The following MCCC1 variants were observed in gnomAD, a reference collection of about 807,000 sequenced individuals.
MCCC1 encodes methylcrotonoyl-CoA carboxylase subunit alpha, mitochondrial.
Under a neutral mutation model 83.8 loss-of-function variants are expected in MCCC1, and 64 were observed. That is an observed-to-expected ratio of 0.76 (90% CI 0.62 to 0.94). The LOEUF (loss-of-function observed/expected upper bound fraction) is 0.94, where lower values mean the gene tolerates loss of function less well. Ranked by LOEUF, MCCC1 falls within the 40% of genes least tolerant of loss-of-function variation. The pLI is 0.00. For synonymous variants in MCCC1, 322 were observed against 315.4 expected (o/e 1.02, Z -0.22); for missense variants, 807 against 904.7 (o/e 0.89, Z 1.39).
chr3:183,089,299 G>C (rs1195618029), intron 3 of MCCC1, among the ~76,000 whole-genome samples: 1 of 152,106 alleles, frequency 6.6e-6, no homozygotes, highest in East Asian at 1.9e-4. Context: ...TGGGGGTGGG[G>C]GACAGTTAAG....
At chr3:183,032,256 C>T (rs62293197) in intron 14 of MCCC1, among the ~76,000 whole-genome samples, 7,704 of 152,088 alleles carry the variant, frequency 0.051, 281 homozygotes, top group Non-Finnish European at 0.071. Context: ...CACAGTTGGC[C>T]TATATGAATT....
intron 8 of MCCC1, among the ~76,000 whole-genome samples, chr3:183,055,043 T>G (rs936124877): frequency 2.6e-5 from 4 of 152,214 alleles, no homozygotes; most frequent in Non-Finnish European, 5.9e-5. Context: ...TTTCTCAGAA[T>G]GTATTCCTAT....
At chr3:183,112,053 A>G (rs964607325) in intron 1 of MCCC1, among the ~76,000 whole-genome samples, 1 of 152,154 alleles carries the variant, frequency 6.6e-6, no homozygotes, top group Non-Finnish European at 1.5e-5. Context: ...CTGAAAATCC[A>G]TTTTGTAAAA....
chr3:183,032,483 G>C (rs1396338080), intron 14 of MCCC1, among the ~76,000 whole-genome samples: 1 of 152,098 alleles, frequency 6.6e-6, no homozygotes, highest in African/African-American at 2.4e-5. Flanking sequence ...CATTATAAAG[G>C]CTTAACAATA....
upstream of MCCC1, among the ~76,000 whole-genome samples, chr3:183,100,753 G>A (rs1168346708): frequency 1.3e-5 from 2 of 152,214 alleles, no homozygotes; most frequent in African/African-American, 2.4e-5. Flanking sequence ...CAGAACCCTC[G>A]CTTGCTCTCG....
At chr3:183,036,309 T>C (rs182123965) in intron 13 of MCCC1, among the ~76,000 whole-genome samples, 2 of 152,184 alleles carry the variant, frequency 1.3e-5, no homozygotes, top group African/African-American at 4.8e-5. Flanking sequence ...AGACATTCAA[T>C]CACAGGATGG....
chr3:183,059,802 TGA>T (rs1250848327), intron 7 of MCCC1, among the ~76,000 whole-genome samples: 1 of 152,228 alleles, frequency 6.6e-6, no homozygotes, highest in Non-Finnish European at 1.5e-5. Flanking sequence ...AGTTTTTCTC[TGA>T]ACACTTTATA....
intron 4 of MCCC1, among the ~76,000 whole-genome samples, chr3:183,079,626 G>C (rs1322200641): frequency 1.3e-5 from 2 of 152,124 alleles, no homozygotes; most frequent in Non-Finnish European, 1.5e-5. Context: ...GCTGTTGGTG[G>C]ATCTACCATT....
chr3:183,057,830 C>T (rs1715539088), intron 7 of MCCC1, among the ~76,000 whole-genome samples: 1 of 152,160 alleles, frequency 6.6e-6, no homozygotes, highest in African/African-American at 2.4e-5. Flanking sequence ...TGAGATTGTG[C>T]CACGGCATTC....
At chr3:183,082,733 G>A (rs12497989) in intron 4 of MCCC1, among the ~76,000 whole-genome samples, 9,933 of 152,236 alleles carry the variant, frequency 0.065, 500 homozygotes, top group African/African-American at 0.12. Flanking sequence ...ACGCCAACAC[G>A]TAGGCAGGCC....
chr3:183,091,096 C>A, intron 3 of MCCC1: 1 of 454,224 alleles, frequency 2.2e-6, no homozygotes, highest in Non-Finnish European at 4.4e-6. Context: ...TTGAAATACT[C>A]ATTGCACAGA....
intron 15 of MCCC1, among the ~76,000 whole-genome samples, chr3:183,023,364 T>C (rs1712316757): frequency 1.3e-5 from 2 of 152,246 alleles, no homozygotes; most frequent in Admixed American, 1.3e-4. Context: ...AAGTTAAATA[T>C]GACATTTTAC....
At chr3:183,078,990 T>A (rs895328208) in intron 4 of MCCC1, among the ~76,000 whole-genome samples, 1 of 152,168 alleles carries the variant, frequency 6.6e-6, no homozygotes, top group Non-Finnish European at 1.5e-5. Context: ...TTCATGACCA[T>A]GAGAACAGCG....
At chr3:183,087,869 CA>C (rs1223603175) in intron 3 of MCCC1, among the ~76,000 whole-genome samples, 2,490 of 51,352 alleles carry the variant, frequency 0.048, 54 homozygotes, top group African/African-American at 0.14. Flanking sequence ...GACTCCTTCT[CA>C]AAAAAAAAAA....
chr3:183,072,344 T>C (rs758327655), intron 5 of MCCC1, 22 bp downstream of exon 5: 1 of 1,612,946 alleles, frequency 6.2e-7, no homozygotes, highest in Non-Finnish European at 8.5e-7. Flanking sequence ...ACAGTTATAT[T>C]TTAAAAGATA....
chr3:183,041,852 G>A (rs1714116981), intron 10 of MCCC1, 102 bp from the exon 11 acceptor site: 1 of 1,338,408 alleles, frequency 7.5e-7, no homozygotes, highest in Non-Finnish European at 1.1e-6. Flanking sequence ...TGTACATTTA[G>A]GTTTTGCAAT....
At chr3:183,033,902 T>C (rs1246243961) in intron 14 of MCCC1, 89 bp downstream of exon 14, 4 of 999,832 alleles carry the variant, frequency 4.0e-6, no homozygotes, top group Non-Finnish European at 6.2e-6. Flanking sequence ...TGTAACTGAC[T>C]GATCATGGCC....
chr3:183,042,032 T>G (rs1714133169), intron 10 of MCCC1, among the ~76,000 whole-genome samples: 1 of 152,216 alleles, frequency 6.6e-6, no homozygotes, highest in African/African-American at 2.4e-5. Flanking sequence ...AATCAGTGTT[T>G]GTTCAATATA....
chr3:183,025,095 G>A (rs1206220533), intron 15 of MCCC1, among the ~76,000 whole-genome samples: 1 of 152,148 alleles, frequency 6.6e-6, no homozygotes, highest in Non-Finnish European at 1.5e-5. Context: ...ACCTAGAGTA[G>A]TCAAATTCAT....
Sources: allele counts gnomAD v4.1 joint callset (sites outside exome capture counted in the v4.1 genomes callset), GRCh38; gene constraint gnomAD v4.1.1; transcripts MANE v1.5; gene names NCBI Gene and HGNC (gene_info 2026-07-23, HGNC 2026-07-21).